The following ABCA1 variants were observed in gnomAD, a reference collection of about 807,000 sequenced individuals.
The protein encoded by ABCA1 is ATP binding cassette subfamily A member 1.
Under a neutral mutation model 262.5 loss-of-function variants are expected in ABCA1, and 133 were observed. The ratio of observed to expected loss-of-function variants is 0.51; its 90% confidence interval spans 0.44 to 0.59. ABCA1 has a LOEUF of 0.59. Among genes scored for constraint, ABCA1 ranks in the 20% least tolerant of loss-of-function variants. ABCA1 has a pLI of 0.00. For missense variants in ABCA1, 2,452 were observed against 2,777.5 expected (o/e 0.88, Z 2.63); for synonymous variants, 1,022 against 1,043.5 (o/e 0.98, Z 0.40).
At chr9:104,923,598 G>GA (rs1158932596) in intron 1 of ABCA1, among the ~76,000 whole-genome samples, 1 of 152,224 alleles carries the variant, frequency 6.6e-6, no homozygotes, top group East Asian at 1.9e-4. Context: ...TGCAGCAGCT[G>GA]AAATGTTAGT....
chr9:104,819,551 A>G (rs1266886116), intron 22 of ABCA1, 35 bp downstream of exon 22: 2 of 1,613,614 alleles, frequency 1.2e-6, no homozygotes, highest in Admixed American at 1.7e-5. Flanking sequence ...GCTCTCTCTC[A>G]GTCCATTTAC....
At chr9:104,822,777 C>T (rs1832479933) in intron 18 of ABCA1, 110 bp from the exon 19 acceptor site, 5 of 1,287,680 alleles carry the variant, frequency 3.9e-6, no homozygotes, top group Non-Finnish European at 5.5e-6. Context: ...TCTCCATGTC[C>T]ACCCTGGTTT....
At chr9:104,913,117 C>T (rs1224237816) in intron 1 of ABCA1, among the ~76,000 whole-genome samples, 2 of 152,198 alleles carry the variant, frequency 1.3e-5, no homozygotes, top group Admixed American at 6.5e-5. Context: ...CTTCTCCCAA[C>T]CTGAAGGATT....
chr9:104,913,715 T>G (rs977356127), intron 1 of ABCA1, among the ~76,000 whole-genome samples: 1 of 152,178 alleles, frequency 6.6e-6, no homozygotes, highest in Non-Finnish European at 1.5e-5. Flanking sequence ...TATACTATTT[T>G]CTCTACATTC....
At chr9:104,810,363 C>T (rs1315578058) in intron 29 of ABCA1, among the ~76,000 whole-genome samples, 1 of 151,706 alleles carries the variant, frequency 6.6e-6, no homozygotes, top group African/African-American at 2.4e-5. Flanking sequence ...ACCTAACATC[C>T]CAAATATAAC....
chr9:104,882,043 A>C (rs1295051308), intron 5 of ABCA1, among the ~76,000 whole-genome samples: 5 of 150,008 alleles, frequency 3.3e-5, no homozygotes, highest in African/African-American at 7.3e-5. Flanking sequence ...AAAAAAAAAA[A>C]AAAAAAAAAA....
intron 8 of ABCA1, 42 bp from the exon 9 acceptor site, chr9:104,840,561 G>A (rs756469467): frequency 3.8e-6 from 6 of 1,592,742 alleles, no homozygotes; most frequent in East Asian, 2.2e-5. Flanking sequence ...TAGGGGAAGG[G>A]AGAAAAGGGC....
Position 104,825,861 on chromosome 9 carries a change from C to T in ABCA1, c.2364G>A (p.Gly788=), listed in dbSNP as rs766069585. 3.1e-6 allele frequency: 5 copies of T among 1,614,148 alleles called. No homozygotes were observed. The highest frequency in any genetic ancestry group is 2.2e-5 in the East Asian group (1 of 44,882). Residue 788 remains glycine, a synonymous_variant, in exon 17 of 50, where the codon GGG becomes GGA. Coordinates refer to ENST00000374736, the MANE Select transcript of ABCA1 (RefSeq NM_005502.4). ...AAAGGGCAAAGTACTCACAGCCAAA[C>T]CCAAAAGCCACAGGAGACAGCAGGC... ...FASLLSPVAF[G]FGCEYFALFE... is the part of the protein sequence containing the mutation.
At chr9:104,792,044 A>G (rs1186662220) in intron 42 of ABCA1, 46 bp from the exon 43 acceptor site, 16 of 1,558,152 alleles carry the variant, frequency 1.0e-5, no homozygotes, top group Admixed American at 6.8e-5. Flanking sequence ...AGTGACTCAC[A>G]GCTCTCCCAA....
chr9:104,816,024 G>A lies in ABCA1; in HGVS notation c.3738+119C>T, dbSNP rs191012504. ...CTGGGGCCAACATTAATCAGATGTC[G>A]ATGACCTAAAAACTCAATGACTAAC... On this transcript the variant is annotated intron_variant, in intron 25 of 49. Transcript: ENST00000374736. 2.9e-4 allele frequency: 318 copies of A among 1,115,618 alleles called. 1 individual carries two copies. The African/African-American group carries it at 3.7e-3, about 13-fold the overall frequency. The allele number at this position is 1,115,618 out of a possible 1,614,324, so 69.1% of individuals were successfully genotyped here.
At chr9:104,863,541 T>G (rs541273312) in intron 5 of ABCA1, among the ~76,000 whole-genome samples, 1 of 152,340 alleles carries the variant, frequency 6.6e-6, no homozygotes, top group Non-Finnish European at 1.5e-5. Flanking sequence ...GAGGGTCACA[T>G]GCAGAGATAA....
intron 7 of ABCA1, among the ~76,000 whole-genome samples, chr9:104,850,870 T>C (rs914855440): frequency 2.0e-5 from 3 of 152,238 alleles, no homozygotes; most frequent in Non-Finnish European, 4.4e-5. Flanking sequence ...CAAGTGACTT[T>C]CTTATACGAA....
intron 11 of ABCA1, among the ~76,000 whole-genome samples, chr9:104,836,301 G>A (rs1016539309): frequency 2.0e-5 from 3 of 152,144 alleles, no homozygotes; most frequent in African/African-American, 7.2e-5. Flanking sequence ...GCTTCTTAAG[G>A]GGAGCAGAGA....
At chr9:104,824,142 G>A (rs747517053) in intron 18 of ABCA1, among the ~76,000 whole-genome samples, 1 of 152,172 alleles carries the variant, frequency 6.6e-6, no homozygotes, top group Non-Finnish European at 1.5e-5. Context: ...CCACAATCAC[G>A]CTTGTCTTTA....
Position 104,825,694 on chromosome 9 carries a change from G to C in ABCA1, c.2531C>G (p.Ala844Gly), listed in dbSNP as rs1477409005. The change falls in exon 17 of 50, where the codon GCT becomes GGT. Residue 844 changes from alanine (A) to glycine (G), a missense_variant. By Grantham distance (60) the Ala-to-Gly change is moderately conservative. Coordinates refer to ENST00000374736, the MANE Select transcript of ABCA1 (RefSeq NM_005502.4). Reference protein sequence around the residue: ...LYGVMTWYIEAVFPGQYGIPR... With the variant: ...LYGVMTWYIEGVFPGQYGIPR... ...CCAAAGCAGTGTACCTGGAAAGACA[G>C]CCTCAATGTACCAGGTCATCACCCC... 1 of 1,614,128 alleles carries C rather than the reference G, an allele frequency of 6.2e-7. No homozygotes were observed.
In ABCA1 at chr9:104,912,673, C is replaced by G. The variant is rs530335287; in HGVS notation, c.-92-8902G>C. Among the ~76,000 whole-genome samples the G allele has an allele frequency of 5.9e-5, 9 of 152,296 alleles. No individual in the cohort carries two copies. In the East Asian group the frequency reaches 9.6e-4, roughly 16 times the overall value. On this transcript the variant is annotated intron_variant, in intron 1 of 49. Transcript: ENST00000374736. ...GCCTCTCTTCCCCTGCTGATTTCCA[C>G]TAAGCAAACACCAAGCAACCTTCAA...
intron 43 of ABCA1, 81 bp downstream of exon 43, chr9:104,791,848 TTTACCTC>T: frequency 7.3e-7 from 1 of 1,379,310 alleles, no homozygotes; most frequent in Non-Finnish European, 1.0e-6. Context: ...AAAATCCACT[TTTACCTC>T]TTAACGAGCA....
At chr9:104,853,168 T>G (rs553038401) in intron 7 of ABCA1, among the ~76,000 whole-genome samples, 72 of 152,332 alleles carry the variant, frequency 4.7e-4, no homozygotes, top group African/African-American at 1.7e-3. Flanking sequence ...CTAGGCACAC[T>G]GGAAGACACG....
intron 8 of ABCA1, among the ~76,000 whole-genome samples, chr9:104,844,432 A>C (rs189440842): frequency 6.6e-6 from 1 of 152,100 alleles, no homozygotes; most frequent in Non-Finnish European, 1.5e-5. Context: ...AATTCAAAGA[A>C]AGAAAGTAGA....
Sources: gnomAD v4.1 joint callset for allele counts (sites outside exome capture counted in the v4.1 genomes callset) on GRCh38, gnomAD v4.1.1 for gene constraint, MANE v1.5 for transcripts, NCBI Gene and HGNC (gene_info 2026-07-23, HGNC 2026-07-21) for gene names.